CHCHD3: variants seen among roughly 807,000 people sequenced by gnomAD.
CHCHD3 encodes the protein coiled-coil-helix-coiled-coil-helix domain containing 3.
A neutral mutation model predicts 38.2 loss-of-function variants in CHCHD3; 20 were observed. The ratio of observed to expected loss-of-function variants is 0.52; its 90% CI spans 0.37 to 0.76. The LOEUF (loss-of-function observed/expected upper bound fraction) is 0.76. CHCHD3 is among the 30% of genes least tolerant of loss of function. The pLI, the probability that CHCHD3 is intolerant of heterozygous loss-of-function variation, is 0.00. For synonymous variants in CHCHD3, 82 were observed against 100.0 expected, an observed-to-expected ratio of 0.82 and a Z score of 1.07; for missense variants, 245 against 279.2, an observed-to-expected ratio of 0.88 and a Z score of 0.87.
intron 4 of CHCHD3, among the ~76,000 whole-genome samples, chr7:132,892,407 A>T (rs557535221): frequency 4.6e-4 from 70 of 152,114 alleles, no homozygotes; most frequent in Admixed American, 7.9e-4. Context: ...GATGATGTGA[A>T]ATTGGAACTT....
chr7:133,039,904 G>A (rs1317348229), intron 2 of CHCHD3, among the ~76,000 whole-genome samples: 1 of 152,160 alleles, frequency 6.6e-6, no homozygotes, highest in Non-Finnish European at 1.5e-5. Flanking sequence ...CCATGACACA[G>A]GCTCAAGGAT....
chr7:132,912,705 C>T (rs1394093146), intron 4 of CHCHD3, among the ~76,000 whole-genome samples: 1 of 152,176 alleles, frequency 6.6e-6, no homozygotes, highest in Non-Finnish European at 1.5e-5. Context: ...CAGGCGTGCG[C>T]CACCACACCC....
At chr7:132,820,483 C>G (rs1012001847) in intron 6 of CHCHD3, among the ~76,000 whole-genome samples, 2 of 152,128 alleles carry the variant, frequency 1.3e-5, no homozygotes, top group Admixed American at 6.5e-5. Context: ...CCCTTTCTCA[C>G]TCTCTATAGG....
At chr7:132,869,077 C>A (rs1350319987) in intron 5 of CHCHD3, among the ~76,000 whole-genome samples, 1 of 152,212 alleles carries the variant, frequency 6.6e-6, no homozygotes, top group Non-Finnish European at 1.5e-5. Flanking sequence ...CTAAGTCAGA[C>A]ACTTCTGATG....
At chr7:132,986,454 T>C (rs1436039886) in intron 3 of CHCHD3, among the ~76,000 whole-genome samples, 1 of 148,706 alleles carries the variant, frequency 6.7e-6, no homozygotes, top group Non-Finnish European at 1.5e-5. Context: ...ATACAACTTC[T>C]ATATGAGTGC....
At chr7:132,979,408 T>C (rs1811859029) in intron 3 of CHCHD3, among the ~76,000 whole-genome samples, 1 of 152,196 alleles carries the variant, frequency 6.6e-6, no homozygotes, top group Non-Finnish European at 1.5e-5. Context: ...TTACTGAGAA[T>C]GAAGTAGTGA....
intron 5 of CHCHD3, among the ~76,000 whole-genome samples, chr7:132,849,821 C>T (rs539312305): frequency 6.6e-6 from 1 of 152,270 alleles, no homozygotes; most frequent in Non-Finnish European, 1.5e-5. Flanking sequence ...AGAGCTCCAG[C>T]AGCCATCTTG....
At chr7:133,050,320 T>G (rs1814118440) in intron 2 of CHCHD3, among the ~76,000 whole-genome samples, 2 of 113,404 alleles carry the variant, frequency 1.8e-5, no homozygotes, top group South Asian at 5.5e-4. Flanking sequence ...CTAAGCTGAG[T>G]AACAGAGGAG....
At chr7:133,009,010 A>C (rs6969420) in intron 3 of CHCHD3, among the ~76,000 whole-genome samples, 104,967 of 149,870 alleles carry the variant, frequency 0.7, 36,994 homozygotes, top group African/African-American at 0.76. Flanking sequence ...CCAGAACACA[A>C]AGGTAGTCAG....
At position 132,972,483 on chromosome 7, in the gene CHCHD3, G is replaced by A. The variant is rs1264950939; in HGVS notation, c.369+2686C>T. ...AACTATCTCTGAATTGTAGTACATT[G>A]AGTGATTTTAGTATCCCTTTGTATT... On this transcript the variant is annotated intron_variant, in intron 4 of 7. Coordinates refer to ENST00000262570, the MANE Select transcript of CHCHD3 (RefSeq NM_017812.4). The A allele has an allele frequency of 7.2e-6, 5 of 695,278 alleles. No homozygotes were observed. In the African/African-American group the frequency reaches 9.7e-5, roughly 14 times the overall value. The allele number at this position is 695,278 out of a possible 1,614,324, so 43.1% of individuals were successfully genotyped here. A position where few individuals can be genotyped will look rare whatever the true frequency, so the allele number is the denominator to read the frequency against.
chr7:132,834,642 T>C (rs1807731597), intron 6 of CHCHD3, among the ~76,000 whole-genome samples: 1 of 152,306 alleles, frequency 6.6e-6, no homozygotes, highest in Non-Finnish European at 1.5e-5. Context: ...TGGTTTACTA[T>C]AGGGCAATGA....
intron 4 of CHCHD3, among the ~76,000 whole-genome samples, chr7:132,929,278 C>T (rs1360026736): frequency 6.6e-6 from 1 of 152,146 alleles, no homozygotes; most frequent in East Asian, 1.9e-4. Flanking sequence ...AACTTCACCT[C>T]TGACGGATCC....
rs150667609 is a variant in CHCHD3, at chr7:132,854,501, C to CA, written c.454-16033dup. On this transcript the variant is annotated intron_variant, in intron 5 of 7. Transcript: ENST00000262570. ...CTCCTCTAGAACAAAAAAGTAAAAA[C>CA]AAAAATCTACCCTTTTGGCACAGTA... Among the ~76,000 whole-genome samples the CA allele has an allele frequency of 6.1e-3, 932 of 152,170 alleles. 6 individuals are homozygous for CA. Among genetic ancestry groups the CA allele is most frequent in the Non-Finnish European group, 0.011 (715 of 67,980 alleles).
intron 4 of CHCHD3, among the ~76,000 whole-genome samples, chr7:132,903,477 A>G (rs1268339715): frequency 6.6e-6 from 1 of 152,152 alleles, no homozygotes; most frequent in East Asian, 1.9e-4. Flanking sequence ...AGTTGCAGAA[A>G]AGTGACCTGC....
At chr7:132,949,489 T>C (rs996789381) in intron 4 of CHCHD3, among the ~76,000 whole-genome samples, 1 of 152,232 alleles carries the variant, frequency 6.6e-6, no homozygotes, top group African/African-American at 2.4e-5. Context: ...CTATGTTTAT[T>C]TGCCTAAGTA....
chr7:133,058,199 C>T (rs1584677895), intron 2 of CHCHD3, among the ~76,000 whole-genome samples: 1 of 151,680 alleles, frequency 6.6e-6, no homozygotes, highest in East Asian at 1.9e-4. Context: ...AGTATGCATG[C>T]ACAGTTAAAG....
At chr7:132,880,776 A>G (rs1048250090) in intron 5 of CHCHD3, among the ~76,000 whole-genome samples, 13 of 152,212 alleles carry the variant, frequency 8.5e-5, no homozygotes, top group Admixed American at 8.5e-4. Flanking sequence ...AGCATTATGG[A>G]CATATTTGTC....
chr7:132,804,995 A>G lies in CHCHD3; in HGVS notation c.525-8418T>C, dbSNP rs376591912. ...AATGCTTAGGCACTGCTACTGGAAGAGGGAAATCCCAAAATGGGGCCAATA... is the reference window on the plus strand; with the variant it reads ...AATGCTTAGGCACTGCTACTGGAAGGGGGAAATCCCAAAATGGGGCCAATA... On this transcript the variant is annotated intron_variant, in intron 6 of 7. Coordinates refer to ENST00000262570, the MANE Select transcript of CHCHD3 (RefSeq NM_017812.4). 4.6e-5 allele frequency among the ~76,000 whole-genome samples: 7 copies of G among 152,338 alleles called. No homozygotes were observed. In the South Asian group the frequency reaches 1.5e-3, roughly 32 times the overall value.
At chr7:132,849,315 T>C (rs1808158361) in intron 5 of CHCHD3, 1 of 152,336 alleles carries the variant, frequency 6.6e-6, no homozygotes, top group Non-Finnish European at 1.5e-5. Context: ...TGCATCTCCA[T>C]GTATCTAACA....
Sources: allele counts gnomAD v4.1 joint callset (sites outside exome capture counted in the v4.1 genomes callset), GRCh38; gene constraint gnomAD v4.1.1; transcripts MANE v1.5; gene names NCBI Gene and HGNC (gene_info 2026-07-23, HGNC 2026-07-21).